Variants in GRK5 observed in about 807,000 individuals in gnomAD.
The protein encoded by GRK5 is G protein-coupled receptor kinase 5.
In GRK5, 40 loss-of-function variants were observed where a neutral mutation model predicts 78.4. The observed-to-expected ratio is 0.51, with a 90% CI of 0.40 to 0.66. The LOEUF (loss-of-function observed/expected upper bound fraction) is 0.66. Ranked by LOEUF, GRK5 falls within the 30% of genes least tolerant of loss-of-function variation. The probability of loss-of-function intolerance (pLI) is 0.00; values close to 1 mark genes in which losing one functional copy is unlikely to be tolerated. For synonymous variants in GRK5, 289 were observed against 296.8 expected, an observed-to-expected ratio of 0.97 and a Z score of 0.27; for missense variants, 598 against 759.9, an observed-to-expected ratio of 0.79 and a Z score of 2.50.
chr10:119,367,998 G>A (rs1851478363), intron 2 of GRK5, among the ~76,000 whole-genome samples: 1 of 152,256 alleles, frequency 6.6e-6, no homozygotes, highest in African/African-American at 2.4e-5. Context: ...GGTCTGCCTG[G>A]AAGCTGCTAT....
rs1417401063 is a variant in GRK5 at position 119,208,061 on chromosome 10, A to G, written c.52+92A>G. 5 of 1,229,474 alleles carry G rather than the reference A, an allele frequency of 4.1e-6. No individual in the cohort carries two copies. In the Admixed American group the frequency reaches 1.4e-4, roughly 33 times the overall value. The allele number at this position is 1,229,474 out of a possible 1,614,324, so 76.2% of individuals were successfully genotyped here. A position where few individuals can be genotyped will look rare whatever the true frequency, so the allele number is the denominator to read the frequency against. ...GTGCGGGCTGGGGCTGCGCCCGTGC[A>G]GGATGCCCGCTGCCGGCGAGTGGGT... On this transcript the variant is annotated intron_variant, in intron 1 of 15. Coordinates refer to ENST00000392870, the MANE Select transcript of GRK5 (RefSeq NM_005308.3).
intron 10 of GRK5, 93 bp downstream of exon 10, chr10:119,439,861 C>A: frequency 8.2e-7 from 1 of 1,221,180 alleles, no homozygotes; most frequent in Non-Finnish European, 1.2e-6. Context: ...GCTGGGGAAG[C>A]TGACCACGGG....
intron 1 of GRK5, among the ~76,000 whole-genome samples, chr10:119,237,916 A>T (rs942044153): frequency 6.6e-6 from 1 of 151,564 alleles, no homozygotes; most frequent in Non-Finnish European, 1.5e-5. Flanking sequence ...TCTGTCTGTC[A>T]AGAGAGAGAG....
At position 119,412,830 on chromosome 10, in the gene GRK5, GC is replaced by G. The variant is rs930431024; in HGVS notation, c.340-10331del. On this transcript the variant is annotated intron_variant, in intron 4 of 15. Coordinates refer to ENST00000392870, the MANE Select transcript of GRK5 (RefSeq NM_005308.3). This position sits in a 1 kb window ranked among gnomAD's most constrained non-coding sequence, Gnocchi z 4.3. Reference sequence around the variant, plus strand: ...CAAGCCAGGGTTTAGGGTTGGAACAGCCCCCATTCGCCCCACCACCCTCTGC... The same window carrying G: ...CAAGCCAGGGTTTAGGGTTGGAACAGCCCCATTCGCCCCACCACCCTCTGC... Among the ~76,000 whole-genome samples the G allele has an allele frequency of 2.2e-4, 34 of 152,126 alleles. No individual in the cohort carries two copies. The highest frequency in any genetic ancestry group is 8.0e-4 in the African/African-American group (33 of 41,426).
chr10:119,431,235 T>C lies in GRK5; in HGVS notation c.598-152T>C. 1.2e-6 allele frequency: 1 copy of C among 807,532 alleles called. No homozygotes were observed. Among genetic ancestry groups the C allele is most frequent in the South Asian group, 2.0e-5 (1 of 50,340 alleles). 50.0% of individuals were successfully genotyped at this position (807,532 alleles called of 1,614,324 possible). On this transcript the variant is annotated intron_variant, in intron 7 of 15. Transcript: ENST00000392870. This position sits in a 1 kb window ranked among gnomAD's most constrained non-coding sequence, Gnocchi z 4.8. ...GGGCCCCAGGCCAGGCATCACTGGG[T>C]CCTGGGAGCCTGGAGCACTCATGAA... is the stretch of plus-strand genomic sequence containing the variant.
chr10:119,261,120 A>G (rs1485586226), intron 1 of GRK5, among the ~76,000 whole-genome samples: 1 of 142,790 alleles, frequency 7.0e-6, no homozygotes, highest in East Asian at 2.2e-4. Flanking sequence ...TGCCGGGCGG[A>G]GGGGTTCCTC....
intron 1 of GRK5, among the ~76,000 whole-genome samples, chr10:119,306,964 G>A (rs968780446): frequency 2.0e-5 from 3 of 151,984 alleles, no homozygotes; most frequent in Non-Finnish European, 4.4e-5. Flanking sequence ...TTTCTCCCTG[G>A]GCCTCTGTGT....
intron 1 of GRK5, among the ~76,000 whole-genome samples, chr10:119,220,759 C>T (rs11198827): frequency 0.48 from 72,676 of 150,746 alleles, 17,710 homozygotes; most frequent in East Asian, 0.65. Flanking sequence ...CGCTTGAACC[C>T]GGGAGGCGGA....
intron 4 of GRK5, among the ~76,000 whole-genome samples, chr10:119,415,081 C>CA (rs762165768): frequency 0.29 from 21,854 of 74,928 alleles, 3,441 homozygotes; most frequent in East Asian, 0.4. Flanking sequence ...GACTCTGTCT[C>CA]AAAAAAAAAA....
intron 1 of GRK5, among the ~76,000 whole-genome samples, chr10:119,319,441 G>A (rs1052401221): frequency 9.9e-5 from 15 of 152,210 alleles, no homozygotes; most frequent in African/African-American, 2.7e-4. Context: ...CCCCCTGATC[G>A]GCCCTGGGCC....
intron 1 of GRK5, among the ~76,000 whole-genome samples, chr10:119,274,529 C>T (rs954448446): frequency 5.9e-5 from 9 of 152,184 alleles, no homozygotes; most frequent in Non-Finnish European, 1.2e-4. Context: ...GTGGCTGGGT[C>T]GTCAGAAACC....
At chr10:119,390,511 A>G (rs568708275) in intron 3 of GRK5, among the ~76,000 whole-genome samples, 5 of 152,044 alleles carry the variant, frequency 3.3e-5, no homozygotes, top group African/African-American at 1.2e-4. Flanking sequence ...CCTGGCCAAT[A>G]TGGTGAAACC....
Position 119,439,665 on chromosome 10 carries a change from C to G in GRK5, c.930-66C>G, listed in dbSNP as rs1052294269. On this transcript the variant is annotated intron_variant, in intron 9 of 15. Coordinates refer to ENST00000392870, the MANE Select transcript of GRK5 (RefSeq NM_005308.3). Reference sequence around the variant, plus strand: ...GCCTGATTAGCCCGAGGGGTCGACCCAGATGCCAGTGTATCCTACCTGCCC... The same window carrying G: ...GCCTGATTAGCCCGAGGGGTCGACCGAGATGCCAGTGTATCCTACCTGCCC... The G allele has an allele frequency of 9.8e-6, 15 of 1,526,004 alleles. No homozygotes were observed. The Admixed American group carries it at 2.5e-4, about 26-fold the overall frequency. The allele number at this position is 1,526,004 out of a possible 1,614,324, so 94.5% of individuals were successfully genotyped here.
At position 119,316,251 on chromosome 10, in the gene GRK5, C is replaced by G. The variant is rs982944254; in HGVS notation, c.53-10265C>G. On this transcript the variant is annotated intron_variant, in intron 1 of 15. Transcript: ENST00000392870. ...ACTGAATTGTTTCAAACTCTAGAGT[C>G]ACCTGTGACATGTGGCCTGGAGAGA... Among the ~76,000 whole-genome samples the G allele has an allele frequency of 2.6e-5, 4 of 152,236 alleles. No individual in the cohort carries two copies. In the East Asian group the frequency reaches 7.7e-4, roughly 29 times the overall value.
chr10:119,439,233 C>T (rs1420014919), intron 9 of GRK5, among the ~76,000 whole-genome samples: 1 of 152,266 alleles, frequency 6.6e-6, no homozygotes, highest in East Asian at 1.9e-4. Flanking sequence ...TTCTTTCTCC[C>T]AGGCTGTAGC....
chr10:119,297,145 A>T (rs554739317), intron 1 of GRK5, among the ~76,000 whole-genome samples: 1 of 152,316 alleles, frequency 6.6e-6, no homozygotes, highest in Admixed American at 6.5e-5. Flanking sequence ...CGGGAGTTGT[A>T]TGGGCCCAGA....
intron 10 of GRK5, among the ~76,000 whole-genome samples, chr10:119,441,573 C>T (rs920802292): frequency 2.6e-5 from 4 of 152,230 alleles, no homozygotes; most frequent in African/African-American, 4.8e-5. Context: ...CAAGGCAGGC[C>T]GGGGAGCTGC....
At chr10:119,382,207 A>C (rs1194206666) in intron 3 of GRK5, among the ~76,000 whole-genome samples, 1 of 151,172 alleles carries the variant, frequency 6.6e-6, no homozygotes, top group Non-Finnish European at 1.5e-5. Flanking sequence ...CCTTGGGCTT[A>C]GGGGAGGCTC....
intron 3 of GRK5, among the ~76,000 whole-genome samples, chr10:119,382,480 C>A (rs1380367000): frequency 1.3e-5 from 2 of 152,162 alleles, no homozygotes; most frequent in Non-Finnish European, 2.9e-5. Context: ...AATGAACCCC[C>A]AGGCACCCTT....
Sources: allele counts gnomAD v4.1 joint callset (sites outside exome capture counted in the v4.1 genomes callset), GRCh38; gene constraint gnomAD v4.1.1; non-coding constraint Gnocchi (gnomAD v3.1); transcripts MANE v1.5; gene names NCBI Gene and HGNC (gene_info 2026-07-23, HGNC 2026-07-21).